CTBP2: variants seen among roughly 807,000 people sequenced by gnomAD.
CTBP2 encodes C-terminal-binding protein 2.
CTBP2 carries 30 observed loss-of-function variants against 80.3 expected under a neutral mutation model. The observed-to-expected ratio is 0.37, with a 90% CI of 0.28 to 0.51. CTBP2 has a LOEUF of 0.51. Among genes scored for constraint, CTBP2 ranks in the 20% least tolerant of loss-of-function variants. The pLI, the probability that CTBP2 is intolerant of heterozygous loss-of-function variation, is 0.93. For missense variants in CTBP2, 1,212 were observed against 1,375.3 expected (o/e 0.88, Z 1.88); for synonymous variants, 594 against 587.4 (o/e 1.01, Z -0.16).
At chr10:125,070,559 AAATGAT>A (rs1428818026) in intron 2 of CTBP2, among the ~76,000 whole-genome samples, 3 of 149,658 alleles carry the variant, frequency 2.0e-5, no homozygotes, top group East Asian at 3.9e-4. Context: ...AATTTCTAAA[AAATGAT>A]AATGATAATA....
intron 2 of CTBP2, chr10:125,100,651 A>AG (rs1446602675): frequency 5.3e-5 from 8 of 152,232 alleles, no homozygotes; most frequent in African/African-American, 1.4e-4. Context: ...ACAGGAAGGA[A>AG]GGGCTGGAGG....
chr10:125,115,124 G>A (rs904449069), intron 1 of CTBP2, among the ~76,000 whole-genome samples: 2 of 152,128 alleles, frequency 1.3e-5, no homozygotes, highest in Non-Finnish European at 2.9e-5. Context: ...CTGGCCCTGC[G>A]GCTGGGTCAC....
At chr10:125,107,314 A>T (rs1304153711) in intron 2 of CTBP2, among the ~76,000 whole-genome samples, 1 of 152,174 alleles carries the variant, frequency 6.6e-6, no homozygotes, top group East Asian at 1.9e-4. Context: ...CTTCTGGCCC[A>T]AACACTGGAG....
intron 1 of CTBP2, among the ~76,000 whole-genome samples, chr10:125,128,084 A>G (rs1022024652): frequency 2.0e-5 from 3 of 152,168 alleles, no homozygotes; most frequent in Non-Finnish European, 4.4e-5. Flanking sequence ...CCATGAGGCT[A>G]GCACACCCAG....
At chr10:125,126,207 A>G (rs1855223137) in intron 1 of CTBP2, among the ~76,000 whole-genome samples, 1 of 152,190 alleles carries the variant, frequency 6.6e-6, no homozygotes, top group African/African-American at 2.4e-5. Flanking sequence ...GACCTCAGGC[A>G]AGTCACTTAG....
rs114040449 is a variant in CTBP2 at position 125,068,026 on chromosome 10, C to T, written c.-101-28871G>A. On this transcript the variant is annotated intron_variant, in intron 2 of 10. Coordinates refer to the CTBP2 transcript ENST00000337195. ...CCTGCCCTCTGGTGCCAAGCAACAACGGATGAATACCCACTACCTCCAGAC... is the reference window on the plus strand; with the variant it reads ...CCTGCCCTCTGGTGCCAAGCAACAATGGATGAATACCCACTACCTCCAGAC... 8.4e-3 allele frequency among the ~76,000 whole-genome samples: 1,286 copies of T among 152,302 alleles called. 21 individuals carry two copies. The highest frequency in any genetic ancestry group is 0.029 in the African/African-American group (1,214 of 41,556).
At chr10:125,071,346 G>C (rs1290325048) in intron 2 of CTBP2, among the ~76,000 whole-genome samples, 2 of 152,232 alleles carry the variant, frequency 1.3e-5, no homozygotes. Context: ...GAAAAACCAG[G>C]AAATATTAAT....
At chr10:125,014,173 C>T (rs1051498924) in intron 1 of CTBP2, among the ~76,000 whole-genome samples, 3 of 152,222 alleles carry the variant, frequency 2.0e-5, no homozygotes, top group Non-Finnish European at 4.4e-5. Flanking sequence ...TGGCCCCACT[C>T]CCCAAGCTGG....
At chr10:125,048,848 G>A (rs1347782714) in intron 2 of CTBP2, among the ~76,000 whole-genome samples, 4 of 152,266 alleles carry the variant, frequency 2.6e-5, no homozygotes, top group Middle Eastern at 3.4e-3. Context: ...ATGCACACCT[G>A]ATCAACAGGC....
intron 8 of CTBP2, among the ~76,000 whole-genome samples, chr10:124,990,279 G>A (rs1458014602): frequency 6.6e-6 from 1 of 152,036 alleles, no homozygotes; most frequent in Non-Finnish European, 1.5e-5. Flanking sequence ...TCCCGACCTC[G>A]TGATCCGCCC....
intron 1 of CTBP2, among the ~76,000 whole-genome samples, chr10:125,115,567 T>C (rs925805613): frequency 2.0e-5 from 3 of 152,136 alleles, no homozygotes; most frequent in African/African-American, 7.2e-5. Flanking sequence ...CCATGGAAGG[T>C]TCGTCCCAAG....
chr10:125,086,046 C>CCACT (rs1847919500), intron 2 of CTBP2, among the ~76,000 whole-genome samples: 1 of 152,210 alleles, frequency 6.6e-6, no homozygotes, highest in Non-Finnish European at 1.5e-5. Context: ...CCACAGAGAA[C>CCACT]CACTCCCTGT....
intron 2 of CTBP2, among the ~76,000 whole-genome samples, chr10:125,050,939 A>G (rs866761057): frequency 7.8e-4 from 119 of 152,190 alleles, no homozygotes; most frequent in African/African-American, 2.8e-3. Context: ...GGAGAGGGAG[A>G]CATCTGGATG....
chr10:125,077,475 T>G (rs1157434315), intron 2 of CTBP2, among the ~76,000 whole-genome samples: 1 of 152,144 alleles, frequency 6.6e-6, no homozygotes, highest in African/African-American at 2.4e-5. Context: ...AACCCCCATC[T>G]GGCTCCAAAC....
intron 1 of CTBP2, among the ~76,000 whole-genome samples, chr10:125,120,591 T>C (rs1015168484): frequency 1.1e-4 from 16 of 152,222 alleles, no homozygotes; most frequent in African/African-American, 3.9e-4. Flanking sequence ...TTCGCCACGT[T>C]GGCCAGGCTG....
At chr10:125,116,518 ACAGAAGCCGAGCTGTAT>A (rs929849513) in intron 1 of CTBP2, among the ~76,000 whole-genome samples, 7 of 152,038 alleles carry the variant, frequency 4.6e-5, no homozygotes, top group South Asian at 2.1e-4. Context: ...AGTGGGACCC[ACAGAAGCCGAGCTGTAT>A]CAGAAGCCGA....
chr10:125,071,801 C>T (rs554284922), intron 2 of CTBP2, among the ~76,000 whole-genome samples: 44 of 152,224 alleles, frequency 2.9e-4, no homozygotes, highest in Admixed American at 1.6e-3. Context: ...GTACCACCAC[C>T]CCCAAACATT....
At chr10:125,152,167 G>C (rs988900897) in intron 1 of CTBP2, among the ~76,000 whole-genome samples, 1 of 152,114 alleles carries the variant, frequency 6.6e-6, no homozygotes, top group Non-Finnish European at 1.5e-5. Flanking sequence ...CACCCGCCGG[G>C]AGGAGAGGGG....
intron 8 of CTBP2, among the ~76,000 whole-genome samples, 195 bp from the exon 11 acceptor site, chr10:124,989,893 C>CG (rs1169673314): frequency 6.6e-6 from 1 of 152,088 alleles, no homozygotes; most frequent in African/African-American, 2.4e-5. Context: ...TGAGCCACCA[C>CG]GCCTAGCTAG....
Sources: gnomAD v4.1 joint callset for allele counts (sites outside exome capture counted in the v4.1 genomes callset) on GRCh38, gnomAD v4.1.1 for gene constraint, MANE v1.5 for transcripts, NCBI Gene and HGNC (gene_info 2026-07-23, HGNC 2026-07-21) for gene names.